PALM2AKAP2: variants seen among roughly 807,000 people sequenced by gnomAD.
PALM2AKAP2 encodes the protein PALM2-AKAP2 fusion protein.
A neutral mutation model predicts 71.5 loss-of-function variants in PALM2AKAP2; 37 were observed. The ratio of observed to expected loss-of-function variants is 0.52; its 90% confidence interval spans 0.40 to 0.68. The LOEUF (loss-of-function observed/expected upper bound fraction) is 0.68, where lower values mean the gene tolerates loss of function less well. Ranked by LOEUF, PALM2AKAP2 falls within the 30% of genes least tolerant of loss-of-function variation. The pLI is 0.00. For missense variants in PALM2AKAP2, 1,224 were observed against 1,191.8 expected (o/e 1.03, Z -0.40); for synonymous variants, 468 against 478.8 (o/e 0.98, Z 0.29).
chr9:109,670,761 C>G (rs904590401), intron 1 of PALM2AKAP2, among the ~76,000 whole-genome samples: 1 of 152,128 alleles, frequency 6.6e-6, no homozygotes, highest in African/African-American at 2.4e-5. Flanking sequence ...TCCTTTTTCT[C>G]CACAACCTCA....
At chr9:110,015,254 C>T (rs1832957699) in intron 6 of PALM2AKAP2, among the ~76,000 whole-genome samples, 1 of 152,134 alleles carries the variant, frequency 6.6e-6, no homozygotes, top group African/African-American at 2.4e-5. Context: ...CTGGGATTCA[C>T]TTTAAAGCCC....
intron 7 of PALM2AKAP2, among the ~76,000 whole-genome samples, chr9:110,042,853 G>C (rs1833531645): frequency 6.6e-6 from 1 of 152,128 alleles, no homozygotes; most frequent in South Asian, 2.1e-4. Flanking sequence ...AATTACATCA[G>C]AGTAAATTGG....
chr9:109,715,251 C>A (rs1056056270), intron 1 of PALM2AKAP2, among the ~76,000 whole-genome samples: 1 of 152,116 alleles, frequency 6.6e-6, no homozygotes, highest in African/African-American at 2.4e-5. Context: ...ATGAGAATAC[C>A]TAAGAATTAG....
chr9:109,691,771 G>A (rs7024557), intron 1 of PALM2AKAP2, among the ~76,000 whole-genome samples: 7,818 of 144,694 alleles, frequency 0.054, 296 homozygotes, highest in Middle Eastern at 0.13. Context: ...TGCCCATAGC[G>A]GGAAGTGGCA....
intron 6 of PALM2AKAP2, among the ~76,000 whole-genome samples, chr9:109,947,802 A>T (rs1038198976): frequency 6.6e-6 from 1 of 152,176 alleles, no homozygotes; most frequent in African/African-American, 2.4e-5. Context: ...TTCACATTGC[A>T]TTTTTGCCAC....
At chr9:110,006,333 T>TTTTCTTTCTTG in intron 6 of PALM2AKAP2, among the ~76,000 whole-genome samples, 1 of 124,922 alleles carries the variant, frequency 8.0e-6, no homozygotes, top group African/African-American at 3.2e-5. Flanking sequence ...TCTCTTTCTT[T>TTTTCTTTCTTG]CTTTCTTTCT....
At position 109,656,893 on chromosome 9, in the gene PALM2AKAP2, C is replaced by T. The variant is rs574694265; in HGVS notation, c.5+16027C>T. ...ATTCTTCCTTTCCTTTCATCTTAGCCTCCTCAAGCCTCTGGTCTCACCATT... is the reference window on the plus strand; with the variant it reads ...ATTCTTCCTTTCCTTTCATCTTAGCTTCCTCAAGCCTCTGGTCTCACCATT... On this transcript the variant is annotated intron_variant, in intron 1 of 6. Transcript: ENST00000374531. Among the ~76,000 whole-genome samples the T allele has an allele frequency of 1.1e-3, 172 of 152,296 alleles. 1 individual carries two copies. The highest frequency in any genetic ancestry group is 1.9e-3 in the Non-Finnish European group (127 of 68,018).
chr9:109,925,357 C>T (rs943051413), intron 5 of PALM2AKAP2, among the ~76,000 whole-genome samples: 9 of 152,048 alleles, frequency 5.9e-5, no homozygotes, highest in African/African-American at 2.2e-4. Context: ...CTGCTTGGGC[C>T]TCTCTTGAAA....
chr9:109,684,163 G>A (rs1475801796), intron 1 of PALM2AKAP2, among the ~76,000 whole-genome samples: 5 of 152,170 alleles, frequency 3.3e-5, no homozygotes, highest in African/African-American at 4.8e-5. Context: ...CTCTGTGTAG[G>A]AAGGTAGTCC....
At chr9:109,758,598 TA>T (rs202105037) in intron 1 of PALM2AKAP2, among the ~76,000 whole-genome samples, 17,604 of 151,760 alleles carry the variant, frequency 0.12, 1,495 homozygotes, top group African/African-American at 0.23. Context: ...GTATTTGTAT[TA>T]TTTTTTGCAG....
At chr9:110,066,870 G>A (rs1319796527) in intron 1 of PALM2AKAP2, among the ~76,000 whole-genome samples, 1 of 152,040 alleles carries the variant, frequency 6.6e-6, no homozygotes, top group East Asian at 1.9e-4. Context: ...GTTTGCTGCA[G>A]TTTTTGCAGG....
At chr9:109,973,563 G>A (rs1276836219) in intron 6 of PALM2AKAP2, among the ~76,000 whole-genome samples, 1 of 152,130 alleles carries the variant, frequency 6.6e-6, no homozygotes, top group Non-Finnish European at 1.5e-5. Flanking sequence ...GCACCAATGG[G>A]GTAGGGGAGT....
At position 109,667,928 on chromosome 9, in the gene PALM2AKAP2, GTTTTTTTT is replaced by G. The variant is rs1213195298; in HGVS notation, c.5+27081_5+27088del. Among the ~76,000 whole-genome samples the G allele has an allele frequency of 3.5e-5, 2 of 56,614 alleles. 1 individual carries two copies. The highest frequency in any genetic ancestry group is 2.9e-4 in the Admixed American group (2 of 6,972). 37.1% of individuals were successfully genotyped at this position (56,614 alleles called of 152,430 possible). On this transcript the variant is annotated intron_variant, in intron 1 of 6. Coordinates refer to the PALM2AKAP2 transcript ENST00000374531. ...AATACCTTTGAAAATGATGGCTTTG[GTTTTTTTT>G]TTTTTTTTTTTTTTTTTTGAGACGG...
At chr9:109,967,495 C>T (rs1831976263) in intron 6 of PALM2AKAP2, among the ~76,000 whole-genome samples, 2 of 151,980 alleles carry the variant, frequency 1.3e-5, no homozygotes, top group African/African-American at 4.8e-5. Flanking sequence ...CTGCAACCTC[C>T]ACTTGCTGGG....
At chr9:109,961,055 A>T (rs948654180) in intron 6 of PALM2AKAP2, among the ~76,000 whole-genome samples, 8 of 152,228 alleles carry the variant, frequency 5.3e-5, no homozygotes, top group African/African-American at 1.9e-4. Context: ...CATACTGCAC[A>T]ATCCTGGAAG....
At chr9:109,718,884 ATT>A (rs1192478887) in intron 1 of PALM2AKAP2, among the ~76,000 whole-genome samples, 2 of 151,976 alleles carry the variant, frequency 1.3e-5, no homozygotes, top group African/African-American at 2.4e-5. Context: ...TTCTTATTTG[ATT>A]TTTGTATTTA....
At chr9:109,660,671 C>A (rs2132241762) in intron 1 of PALM2AKAP2, among the ~76,000 whole-genome samples, 1 of 152,108 alleles carries the variant, frequency 6.6e-6, no homozygotes, top group Middle Eastern at 3.4e-3. Context: ...GTGCATGTGT[C>A]TTTATAGTAG....
intron 7 of PALM2AKAP2, among the ~76,000 whole-genome samples, chr9:110,037,857 G>C (rs1466023816): frequency 6.6e-6 from 1 of 152,194 alleles, no homozygotes; most frequent in African/African-American, 2.4e-5. Flanking sequence ...TTAAGTATGA[G>C]TCTGGAGTTC....
intron 3 of PALM2AKAP2, among the ~76,000 whole-genome samples, chr9:109,911,102 C>T (rs1036088555): frequency 1.3e-5 from 2 of 152,102 alleles, no homozygotes; most frequent in African/African-American, 4.8e-5. Flanking sequence ...TGGCCTTCAA[C>T]AGACAGTCTG....
Sources: gnomAD v4.1 joint callset for allele counts (sites outside exome capture counted in the v4.1 genomes callset) on GRCh38, gnomAD v4.1.1 for gene constraint, MANE v1.5 for transcripts, NCBI Gene and HGNC (gene_info 2026-07-23, HGNC 2026-07-21) for gene names.